CMSS1: variants seen among roughly 807,000 people sequenced by gnomAD.
CMSS1 encodes cms1 ribosomal small subunit homolog, also known as protein CMSS1.
Under a neutral mutation model 43.5 loss-of-function variants are expected in CMSS1, and 33 were observed. The observed-to-expected ratio is 0.76, with a 90% CI of 0.57 to 1.01. The LOEUF is 1.01. Ranked by LOEUF, CMSS1 falls within the 50% of genes least tolerant of loss-of-function variation. CMSS1 has a pLI of 0.00. For synonymous variants in CMSS1, 115 were observed against 117.2 expected, an observed-to-expected ratio of 0.98 and a Z score of 0.12; for missense variants, 313 against 326.4, an observed-to-expected ratio of 0.96 and a Z score of 0.32.
chr3:99,916,233 C>T (rs1281516876), intron 1 of CMSS1, among the ~76,000 whole-genome samples: 1 of 152,144 alleles, frequency 6.6e-6, no homozygotes, highest in African/African-American at 2.4e-5. Context: ...GGGTTAATTG[C>T]ACTGGCACAT....
chr3:99,991,899 T>A (rs1433460525), intron 1 of CMSS1, among the ~76,000 whole-genome samples: 1 of 149,622 alleles, frequency 6.7e-6, no homozygotes, highest in Non-Finnish European at 1.5e-5. Context: ...TATGTGTGTA[T>A]ATATATACAT....
intron 1 of CMSS1, among the ~76,000 whole-genome samples, chr3:99,999,917 A>T (rs556774713): frequency 1.3e-5 from 2 of 152,214 alleles, no homozygotes; most frequent in Admixed American, 1.3e-4. Flanking sequence ...ATATTGGACT[A>T]TGGGCCTCTG....
intron 1 of CMSS1, chr3:99,849,887 C>A: frequency 6.2e-7 from 1 of 1,611,872 alleles, no homozygotes; most frequent in South Asian, 1.1e-5. Flanking sequence ...TTCTCAATTG[C>A]TTCCAATGAT....
chr3:99,830,564 A>G (rs1234078300), intron 1 of CMSS1: 2 of 456,570 alleles, frequency 4.4e-6, no homozygotes, highest in Admixed American at 2.3e-5. Flanking sequence ...ATTTCGGTTT[A>G]GGGATCCGTG....
At chr3:99,992,344 C>G (rs886738897) in intron 1 of CMSS1, among the ~76,000 whole-genome samples, 1 of 152,000 alleles carries the variant, frequency 6.6e-6, no homozygotes. Flanking sequence ...TGTTTTTTGA[C>G]TCTTTAATAA....
chr3:99,871,278 G>T (rs1393208081), intron 1 of CMSS1, among the ~76,000 whole-genome samples: 1 of 152,072 alleles, frequency 6.6e-6, no homozygotes, highest in Non-Finnish European at 1.5e-5. Context: ...TAGAAGAAGG[G>T]GCCCTCCACA....
chr3:99,899,507 G>A (rs1462834899), intron 1 of CMSS1, among the ~76,000 whole-genome samples: 4 of 152,128 alleles, frequency 2.6e-5, no homozygotes. Flanking sequence ...GTATATAAAG[G>A]ATTTAGTTTT....
intron 1 of CMSS1, among the ~76,000 whole-genome samples, chr3:99,871,675 G>A (rs1162975194): frequency 3.3e-5 from 5 of 152,160 alleles, no homozygotes; most frequent in South Asian, 4.2e-4. Flanking sequence ...TGCTAGCTGC[G>A]GACGTCTGAG....
At chr3:99,848,709 A>G (rs1490643389) in intron 1 of CMSS1, 1 of 1,614,174 alleles carries the variant, frequency 6.2e-7, no homozygotes, top group South Asian at 1.1e-5. Context: ...GAGAACCACA[A>G]GACTCTGGGG....
At chr3:100,015,499 T>G (rs1710315362) in intron 1 of CMSS1, among the ~76,000 whole-genome samples, 3 of 152,214 alleles carry the variant, frequency 2.0e-5, no homozygotes. Context: ...CAGTATTCAT[T>G]TTTCTAATTC....
intron 1 of CMSS1, among the ~76,000 whole-genome samples, chr3:100,034,600 C>T (rs1489874108): frequency 6.6e-6 from 1 of 152,158 alleles, no homozygotes; most frequent in African/African-American, 2.4e-5. Flanking sequence ...AAACATGCTT[C>T]CTTATCAGTA....
At chr3:100,137,759 G>A (rs1440031272) in intron 1 of CMSS1, among the ~76,000 whole-genome samples, 1 of 151,966 alleles carries the variant, frequency 6.6e-6, no homozygotes, top group Non-Finnish European at 1.5e-5. Flanking sequence ...GTAGAGACGG[G>A]GTTTCACCAT....
intron 1 of CMSS1, among the ~76,000 whole-genome samples, chr3:100,086,724 A>G (rs2066015738): frequency 6.6e-6 from 1 of 152,186 alleles, no homozygotes; most frequent in South Asian, 2.1e-4. Flanking sequence ...TAAAATTTAC[A>G]TATGGTAAAA....
At chr3:100,027,080 A>G (rs1275092671) in intron 1 of CMSS1, among the ~76,000 whole-genome samples, 1 of 152,070 alleles carries the variant, frequency 6.6e-6, no homozygotes, top group Admixed American at 6.6e-5. Flanking sequence ...CTTTGCTTAA[A>G]TGTCATCTTC....
intron 1 of CMSS1, among the ~76,000 whole-genome samples, chr3:99,880,216 C>G (rs1431275445): frequency 6.6e-6 from 1 of 152,126 alleles, no homozygotes; most frequent in Admixed American, 6.5e-5. Flanking sequence ...TCTAATCAAC[C>G]TCATTTCTTC....
intron 1 of CMSS1, among the ~76,000 whole-genome samples, chr3:100,080,775 A>G (rs1705633919): frequency 6.6e-6 from 1 of 152,204 alleles, no homozygotes; most frequent in South Asian, 2.1e-4. Flanking sequence ...GAGAATAGAT[A>G]TGGAATGTTT....
intron 1 of CMSS1, among the ~76,000 whole-genome samples, chr3:99,919,219 G>A (rs1707048381): frequency 6.6e-6 from 1 of 151,816 alleles, no homozygotes; most frequent in Non-Finnish European, 1.5e-5. Flanking sequence ...TCTCCTGAAT[G>A]TTCTGTCTTC....
At chr3:100,057,258 GTC>G (rs1452454693) in intron 1 of CMSS1, among the ~76,000 whole-genome samples, 1 of 152,174 alleles carries the variant, frequency 6.6e-6, no homozygotes, top group Non-Finnish European at 1.5e-5. Flanking sequence ...TTCTCCAAGA[GTC>G]TAATCTTTCT....
intron 1 of CMSS1, among the ~76,000 whole-genome samples, chr3:100,036,533 A>G (rs2065110962): frequency 6.6e-6 from 1 of 152,242 alleles, no homozygotes; most frequent in African/African-American, 2.4e-5. Context: ...GGTAGATACT[A>G]CATGTGTAAG....
Sources: gnomAD v4.1 joint callset for allele counts (sites outside exome capture counted in the v4.1 genomes callset) on GRCh38, gnomAD v4.1.1 for gene constraint, MANE v1.5 for transcripts, NCBI Gene and HGNC (gene_info 2026-07-23, HGNC 2026-07-21) for gene names.